The following TTN variants were observed in gnomAD, a reference collection of about 807,000 sequenced individuals.
TTN encodes connectin.
A neutral mutation model predicts 3,223.0 loss-of-function variants in TTN; 1,525 were observed. That is an observed-to-expected ratio of 0.47 (90% CI 0.45 to 0.49). The LOEUF (loss-of-function observed/expected upper bound fraction) is 0.49. TTN is among the 20% of genes least tolerant of loss of function. TTN has a pLI of 0.00. For missense variants in TTN, 40,786 were observed against 43,424.0 expected, an observed-to-expected ratio of 0.94 and a Z score of 5.40; for synonymous variants, 14,094 against 15,161.0, an observed-to-expected ratio of 0.93 and a Z score of 5.17.
rs1182347825 is a variant in TTN, at chr2:178,619,603, T to A, written c.46696+18A>T. The A allele has an allele frequency of 6.2e-7, 1 of 1,603,986 alleles. No individual in the cohort carries two copies. The highest frequency in any genetic ancestry group is 8.5e-7 in the Non-Finnish European group (1 of 1,177,002). On this transcript the variant is annotated intron_variant, in intron 250 of 362. Transcript: ENST00000589042. ...ACTCTGTGATATTGGAAGGATATTT[T>A]AAAATAAAGGGACTGACCTGCCAGT... is the stretch of plus-strand genomic sequence containing the variant.
chr2:178,741,978 A>G (rs2082564179), intron 47 of TTN, 57 bp from the exon 48 acceptor site: 2 of 1,238,336 alleles, frequency 1.6e-6, no homozygotes, highest in Non-Finnish European at 2.1e-6. Flanking sequence ...ATATAAAAAT[A>G]GAAATCAAAG....
chr2:178,675,778 A>T (rs2067950558), intron 148 of TTN, 24 bp from the exon 149 acceptor site: 2 of 1,490,532 alleles, frequency 1.3e-6, no homozygotes, highest in South Asian at 1.3e-5. Context: ...ATTTTATTTT[A>T]TAAGTTCAGT....
Position 178,692,506 on chromosome 2 carries a change from C to A in TTN, c.31669G>T (p.Ala10557Ser), listed in dbSNP as rs1553857863. ...VPIPKKVEPP[A>S]PKVPEVPKKP... ...ACAAATATTATTCTACCTTTTGGTGCTGGGGGCTCCACTTTTTTAGGGATA... is the reference window on the plus strand; with the variant it reads ...ACAAATATTATTCTACCTTTTGGTGATGGGGGCTCCACTTTTTTAGGGATA... The change falls in exon 120 of 363, where the codon GCA becomes TCA. Residue 10557 changes from alanine to serine, a missense_variant. Transcript: ENST00000589042. 1 of 1,580,658 alleles carries A rather than the reference C, an allele frequency of 6.3e-7. No individual in the cohort carries two copies. Among genetic ancestry groups the A allele is most frequent in the Non-Finnish European group, 8.6e-7 (1 of 1,161,686 alleles).
rs370390570 is a variant in TTN at position 178,609,288 on chromosome 2, C to A, written c.52022G>T (p.Arg17341Leu). 2.5e-6 allele frequency: 4 copies of A among 1,593,876 alleles called. No homozygotes were observed. Among genetic ancestry groups the A allele is most frequent in the South Asian group, 1.2e-5 (1 of 86,764 alleles). Residue 17341 changes from arginine to leucine, a missense_variant, in exon 273 of 363, where the codon CGA (arginine) becomes CTA (leucine). By Grantham distance (102) the Arg-to-Leu change is moderately radical. Transcript: ENST00000589042. The part of the protein sequence containing the change: ...ESQLRVRDSL[R>L]PDHGLYMIKV... Reference sequence around the variant, plus strand: ...GATCATATACAGACCATGGTCAGGTCGGAGAGAATCTCGGACGCGTAGCTG... The same window carrying A: ...GATCATATACAGACCATGGTCAGGTAGGAGAGAATCTCGGACGCGTAGCTG...
chr2:178,649,443 A>G (rs2062562700), intron 212 of TTN, 111 bp downstream of exon 212: 1 of 1,359,122 alleles, frequency 7.4e-7, no homozygotes, highest in Non-Finnish European at 9.8e-7. Context: ...AAAGCAAAAT[A>G]AGGAAATTTT....
At chr2:178,684,546 T>C in intron 131 of TTN, 120 bp downstream of exon 131, 1 of 1,341,494 alleles carries the variant, frequency 7.5e-7, no homozygotes, top group Non-Finnish European at 1.0e-6. Context: ...AGTAATACTC[T>C]ACCCAAAGAC....
Position 178,770,511 on chromosome 2 carries a change from T to C in TTN, c.8281A>G (p.Ile2761Val). The C allele has an allele frequency of 3.7e-6, 6 of 1,614,098 alleles. No homozygotes were observed. Among genetic ancestry groups the C allele is most frequent in the Non-Finnish European group, 5.1e-6 (6 of 1,179,982 alleles). The change falls in exon 35 of 363, where the codon ATT becomes GTT. Residue 2761 changes from isoleucine (I) to valine (V), a missense_variant. Transcript: ENST00000589042. Reference sequence around the variant, plus strand: ...CAGTTTTTAATCCTCAGAGAGTAAATTGTTCCTTTGACAGAGATAGCATAC... The same window carrying C: ...CAGTTTTTAATCCTCAGAGAGTAAACTGTTCCTTTGACAGAGATAGCATAC... ...EKYAISVKGT[I>V]YSLRIKNCAI... is the part of the protein sequence containing the mutation.
intron 335 of TTN, 68 bp downstream of exon 335, chr2:178,551,562 T>C: frequency 1.5e-6 from 2 of 1,302,128 alleles, no homozygotes; most frequent in South Asian, 1.6e-5. Flanking sequence ...AGAAAAGCAT[T>C]CCTTGATATA....
chr2:178,536,755 A>G (rs1691709074), intron 356 of TTN, 180 bp from the exon 357 acceptor site: 4 of 779,284 alleles, frequency 5.1e-6, no homozygotes, highest in Non-Finnish European at 5.7e-6. Flanking sequence ...TATTTTTACA[A>G]TGGGGTTAGG....
intron 132 of TTN, 92 bp from the exon 133 acceptor site, chr2:178,684,174 G>T: frequency 1.4e-6 from 2 of 1,417,254 alleles, no homozygotes; most frequent in South Asian, 2.5e-5. Context: ...ATAAACACTT[G>T]ACATTTTCAT....
At chr2:178,688,253 C>G (rs773987005) in intron 126 of TTN, 29 bp from the exon 127 acceptor site, 1 of 1,596,830 alleles carries the variant, frequency 6.3e-7, no homozygotes, top group Non-Finnish European at 8.6e-7. Flanking sequence ...CATTTAAATT[C>G]AGCCTGCTGA....
intron 133 of TTN, among the ~76,000 whole-genome samples, 170 bp downstream of exon 133, chr2:178,683,829 T>C (rs776041814): frequency 1.1e-4 from 16 of 152,034 alleles, no homozygotes; most frequent in Non-Finnish European, 1.9e-4. Context: ...AAGAAAAAAG[T>C]ACTTTCTGTT....
In TTN at chr2:178,647,063, C is replaced by G; in HGVS notation, c.40222+1G>C. ...ATGTATATATATATATATATATATA[C>G]CTTCAACAGGGGGAGTCTCTTTTCT... On this transcript the variant is annotated splice_donor_variant, in intron 215 of 362. Coordinates refer to ENST00000589042, the MANE Select transcript of TTN (RefSeq NM_001267550.2). LOFTEE classifies it high-confidence loss of function. 2.9e-6 allele frequency: 3 copies of G among 1,018,734 alleles called. No individual in the cohort carries two copies. The highest frequency in any genetic ancestry group is 2.5e-5 in the South Asian group (1 of 39,950). 63.1% of individuals were successfully genotyped at this position (1,018,734 alleles called of 1,614,324 possible). A position where few individuals can be genotyped will look rare whatever the true frequency, so the allele number is the denominator to read the frequency against.
intron 240 of TTN, among the ~76,000 whole-genome samples, chr2:178,626,655 T>C (rs2059099251): frequency 6.6e-6 from 1 of 151,800 alleles, no homozygotes; most frequent in Non-Finnish European, 1.5e-5. Flanking sequence ...AAAAACATAA[T>C]AAGGAAAAAT....
Position 178,532,616 on chromosome 2 carries a change from T to G in TTN, c.103999A>C (p.Ile34667Leu). The change falls in exon 358 of 363, where the codon ATT becomes CTT. Residue 34667 changes from isoleucine to leucine, a missense_variant. Ile to Leu is a conservative substitution (Grantham distance 5, BLOSUM62 2). Coordinates refer to ENST00000589042, the MANE Select transcript of TTN (RefSeq NM_001267550.2). ...DISDEELLLP[I>L]DDYLAMKRTE... is the part of the protein sequence containing the mutation. The stretch of plus-strand genomic sequence containing the variant: ...CTTTTCATTGCTAAGTAGTCATCAA[T>G]GGGGAGGAGTAATTCTTCATCAGAG... 1.2e-6 allele frequency: 2 copies of G among 1,613,958 alleles called. No individual in the cohort carries two copies. Among genetic ancestry groups the G allele is most frequent in the Non-Finnish European group, 1.7e-6 (2 of 1,179,854 alleles).
At chr2:178,693,355 G>T (rs1343216773) in intron 119 of TTN, among the ~76,000 whole-genome samples, 1 of 152,168 alleles carries the variant, frequency 6.6e-6, no homozygotes, top group East Asian at 1.9e-4. Flanking sequence ...CCAGGACACT[G>T]TATTTCCAAG....
In TTN at chr2:178,537,671, A is replaced by G. The variant is rs576759867; in HGVS notation, c.99536T>C (p.Val33179Ala). The change falls in exon 355 of 363, where the codon GTT (valine) becomes GCT (alanine). Residue 33179 changes from valine to alanine, a missense_variant. By Grantham distance (64) the Val-to-Ala change is moderately conservative. Transcript: ENST00000589042. ...CTTACTACTGGTTTCTACTTCTCCA[A>G]CCTCATTGGTGGCTATGCAGGTATA... ...GVYTCIATNEVGEVETSSKLL... is the reference protein window; with the variant it reads ...GVYTCIATNEAGEVETSSKLL... The G allele has an allele frequency of 3.0e-5, 48 of 1,613,630 alleles. No individual in the cohort carries two copies. The highest frequency in any genetic ancestry group is 3.3e-4 in the Middle Eastern group (2 of 6,080).
Position 178,593,392 on chromosome 2 carries a change from C to T in TTN, c.58816G>A (p.Gly19606Arg), listed in dbSNP as rs1432502770. 1.9e-6 allele frequency: 3 copies of T among 1,613,174 alleles called. No homozygotes were observed. Among genetic ancestry groups the T allele is most frequent in the Non-Finnish European group, 8.5e-7 (1 of 1,179,570 alleles). ...ATGTAGTTTGTGATGGGTTTTCCTCCATCATGTGGCTTATTCCAGGTTACT... is the reference window on the plus strand; with the variant it reads ...ATGTAGTTTGTGATGGGTTTTCCTCTATCATGTGGCTTATTCCAGGTTACT... The part of the protein sequence containing the change: ...ALVTWNKPHD[G>R]GKPITNYILE... The change falls in exon 299 of 363, where the codon GGA becomes AGA. Residue 19606 changes from glycine to arginine, a missense_variant. Gly to Arg is a moderately radical substitution (Grantham distance 125). Coordinates refer to ENST00000589042, the MANE Select transcript of TTN (RefSeq NM_001267550.2).
rs761045260 is a variant in TTN at position 178,721,956 on chromosome 2, A to T, written c.22707T>A (p.Thr7569=). 6.2e-7 allele frequency: 1 copy of T among 1,613,596 alleles called. No homozygotes were observed. Among genetic ancestry groups the T allele is most frequent in the Non-Finnish European group, 8.5e-7 (1 of 1,179,600 alleles). Residue 7569 remains threonine, a synonymous_variant, in exon 78 of 363, where the codon ACT becomes ACA. Transcript: ENST00000589042. Reference sequence around the variant, plus strand: ...CTACTTTAAGAATTCTCAAATGAGGAGTGTTTCCCACACATGTGATTGTAT... The same window carrying T: ...CTACTTTAAGAATTCTCAAATGAGGTGTGTTTCCCACACATGTGATTGTAT... The part of the protein sequence containing the change: ...GNYTITCVGN[T]PHLRILKVGK...
Sources: allele counts gnomAD v4.1 joint callset (sites outside exome capture counted in the v4.1 genomes callset), GRCh38; gene constraint gnomAD v4.1.1; transcripts MANE v1.5; gene names NCBI Gene and HGNC (gene_info 2026-07-23, HGNC 2026-07-21).